The following PRKCZ variants were observed in gnomAD, a reference collection of about 807,000 sequenced individuals.
The protein encoded by PRKCZ is protein kinase C zeta type.
In PRKCZ, 33 loss-of-function variants were observed where a neutral mutation model predicts 79.5. The observed-to-expected ratio is 0.41, with a 90% confidence interval of 0.31 to 0.55. The LOEUF (loss-of-function observed/expected upper bound fraction) is 0.55, where lower values mean the gene tolerates loss of function less well. PRKCZ is among the 20% of genes least tolerant of loss of function. The probability of loss-of-function intolerance (pLI) is 0.19; values close to 1 mark genes in which losing one functional copy is unlikely to be tolerated. For synonymous variants in PRKCZ, 342 were observed against 320.9 expected (o/e 1.07, Z -0.70); for missense variants, 578 against 813.5 (o/e 0.71, Z 3.52).
rs1450077418 is a variant in PRKCZ at position 2,075,292 on chromosome 1, G to A, written c.334+15701G>A. 2 of 152,380 alleles carry A rather than the reference G, an allele frequency of 1.3e-5. No homozygotes were observed. The highest frequency in any genetic ancestry group is 4.8e-5 in the African/African-American group (2 of 41,550). The allele number at this position is 152,380 out of a possible 1,614,324, so 9.4% of individuals were successfully genotyped here. On this transcript the variant is annotated intron_variant, in intron 4 of 17. Transcript: ENST00000378567. This position sits in a 1 kb window ranked among gnomAD's most constrained non-coding sequence, Gnocchi z 4.8. Reference sequence around the variant, plus strand: ...ATGCACAGCTGGCACGATCCCTTGCGGTGTGAATACACTGCTGGGGTGGGA... The same window carrying A: ...ATGCACAGCTGGCACGATCCCTTGCAGTGTGAATACACTGCTGGGGTGGGA...
At chr1:2,144,523 G>A in intron 6 of PRKCZ, 182 bp downstream of exon 6, 1 of 1,420,120 alleles carries the variant, frequency 7.0e-7, no homozygotes, top group South Asian at 1.5e-5. Context: ...ATCTTCCTGA[G>A]CCCCCACAAG....
chr1:2,149,787 G>T lies in PRKCZ; in HGVS notation c.687+863G>T, dbSNP rs528344237. 6.6e-6 allele frequency among the ~76,000 whole-genome samples: 1 copy of T among 152,246 alleles called. No homozygotes were observed. The highest frequency in any genetic ancestry group is 1.9e-4 in the East Asian group (1 of 5,180). On this transcript the variant is annotated intron_variant, in intron 8 of 17. Transcript: ENST00000378567. The surrounding 1 kb of genome is among the most constrained non-coding windows in gnomAD (Gnocchi z 4.1). ...GAGGTGGGAGGATCGCCTGAGCCTG[G>T]GAGGTGGAGGCTGCAGTGAGCTGAG... is the stretch of plus-strand genomic sequence containing the variant.
At chr1:2,108,321 T>C (rs1261957586) in intron 4 of PRKCZ, among the ~76,000 whole-genome samples, 2 of 152,200 alleles carry the variant, frequency 1.3e-5, no homozygotes, top group Non-Finnish European at 2.9e-5. Context: ...TGCCTGGCCT[T>C]CTCCATGCTG....
rs1198772427 is a variant in PRKCZ, at chr1:2,185,108, G to A, written c.*99G>A. On this transcript the variant is annotated 3_prime_UTR_variant, in exon 18 of 18. Coordinates refer to ENST00000378567, the MANE Select transcript of PRKCZ (RefSeq NM_002744.6). ...CCAGGCTGGGCACGGCTCCGAGGGC[G>A]GCCAGGGACAGACGCTTGCGCCGAG... 4 of 1,203,474 alleles carry A rather than the reference G, an allele frequency of 3.3e-6. No homozygotes were observed. The highest frequency in any genetic ancestry group is 2.7e-5 in the South Asian group (2 of 74,398). 74.5% of individuals were successfully genotyped at this position (1,203,474 alleles called of 1,614,324 possible).
Position 2,172,309 on chromosome 1 carries a change from G to T in PRKCZ, c.1206G>T (p.Leu402=). ...LTDYGMCKEG[L]GPGDTTSTFC... is the part of the protein sequence containing the mutation. ...TAACTTTGCCCCCACAGGAAGGCCT[G>T]GGCCCTGGTGACACAACGAGCACTT... The change falls in exon 13 of 18, where the codon CTG becomes CTT. Residue 402 remains leucine (L), a synonymous_variant. Coordinates refer to ENST00000378567, the MANE Select transcript of PRKCZ (RefSeq NM_002744.6). The surrounding 1 kb of genome is among the most constrained non-coding windows in gnomAD (Gnocchi z 7.8). 6.2e-7 allele frequency: 1 copy of T among 1,613,608 alleles called. No individual in the cohort carries two copies. Among genetic ancestry groups the T allele is most frequent in the South Asian group, 1.1e-5 (1 of 91,090 alleles).
chr1:2,119,176 C>T (rs1361889861), intron 4 of PRKCZ, among the ~76,000 whole-genome samples: 2 of 148,372 alleles, frequency 1.3e-5, no homozygotes, highest in South Asian at 2.1e-4. Context: ...TTACCATTTT[C>T]TTCAAAACCT....
Position 2,173,803 on chromosome 1 carries a change from G to A in PRKCZ, c.1286-94G>A, listed in dbSNP as rs545707424. On this transcript the variant is annotated intron_variant, in intron 13 of 17. Coordinates refer to ENST00000378567, the MANE Select transcript of PRKCZ (RefSeq NM_002744.6). The surrounding 1 kb of genome is among the most constrained non-coding windows in gnomAD (Gnocchi z 5.7). ...GCCTGCTCAAGCCTGGCTCACACTC[G>A]TGTCAACTGGGCATGAAAACCAACG... 2.4e-5 allele frequency: 35 copies of A among 1,486,386 alleles called. No homozygotes were observed. Among genetic ancestry groups the A allele is most frequent in the Middle Eastern group, 2.2e-4 (1 of 4,556 alleles). The allele number at this position is 1,486,386 out of a possible 1,614,324, so 92.1% of individuals were successfully genotyped here.
chr1:2,085,945 G>T (rs1664448291), intron 4 of PRKCZ, among the ~76,000 whole-genome samples: 1 of 152,124 alleles, frequency 6.6e-6, no homozygotes, highest in South Asian at 2.1e-4. Flanking sequence ...TCCTGTCTGG[G>T]TTGGCATCAT....
In PRKCZ at chr1:2,177,329, C is replaced by T. The variant is rs144793293; in HGVS notation, c.1575+2016C>T. Among the ~76,000 whole-genome samples the T allele has an allele frequency of 2.3e-3, 353 of 152,278 alleles. 1 individual carries two copies. Among genetic ancestry groups the T allele is most frequent in the African/African-American group, 8.0e-3 (332 of 41,544 alleles). On this transcript the variant is annotated intron_variant, in intron 16 of 17. Coordinates refer to ENST00000378567, the MANE Select transcript of PRKCZ (RefSeq NM_002744.6). The surrounding 1 kb of genome is among the most constrained non-coding windows in gnomAD (Gnocchi z 6.4). The stretch of plus-strand genomic sequence containing the variant: ...ATCCCCGCTCCCAGCCACCTCCCCT[C>T]GCCCGTCTCAGCTCAGTCTCCCCCG...
intron 4 of PRKCZ, among the ~76,000 whole-genome samples, chr1:2,124,614 T>G (rs1314345759): frequency 6.6e-6 from 1 of 152,076 alleles, no homozygotes; most frequent in African/African-American, 2.4e-5. Context: ...CATGAGAAAG[T>G]CAATGCCTGT....
At chr1:2,133,750 C>G (rs549566262) in intron 4 of PRKCZ, 1 of 152,624 alleles carries the variant, frequency 6.6e-6, no homozygotes, top group Non-Finnish European at 1.5e-5. Context: ...GCTTCACACC[C>G]TTCTCTTTCT....
chr1:2,144,204 C>T lies in PRKCZ; in HGVS notation c.421-6C>T. The T allele has an allele frequency of 6.4e-7, 1 of 1,551,648 alleles. No individual in the cohort carries two copies. Among genetic ancestry groups the T allele is most frequent in the South Asian group, 1.2e-5 (1 of 84,074 alleles). On this transcript the variant is annotated splice_region_variant and splice_polypyrimidine_tract_variant and intron_variant, in intron 5 of 17. Coordinates refer to ENST00000378567, the MANE Select transcript of PRKCZ (RefSeq NM_002744.6). Reference sequence around the variant, plus strand: ...CCTGGGCCTGACGCTCTGTTCCCACCTGCAGAGAGCGTACTGCGGTCAGTG... The same window carrying T: ...CCTGGGCCTGACGCTCTGTTCCCACTTGCAGAGAGCGTACTGCGGTCAGTG...
At position 2,152,953 on chromosome 1, in the gene PRKCZ, G is replaced by A. The variant is rs965014878; in HGVS notation, c.876+1975G>A. 6.6e-5 allele frequency among the ~76,000 whole-genome samples: 10 copies of A among 152,264 alleles called. No individual in the cohort carries two copies. In the East Asian group the frequency reaches 9.6e-4, roughly 15 times the overall value. On this transcript the variant is annotated intron_variant, in intron 9 of 17. Coordinates refer to ENST00000378567, the MANE Select transcript of PRKCZ (RefSeq NM_002744.6). ...GAGTGGTGCCACTGTGAAGGTTCGC[G>A]TACAAGAATCTGTTTGAGTCTATTT...
chr1:2,105,214 C>T (rs1026352887), intron 4 of PRKCZ, among the ~76,000 whole-genome samples: 4 of 152,154 alleles, frequency 2.6e-5, no homozygotes, highest in African/African-American at 4.8e-5. Flanking sequence ...CGCTGTGTAC[C>T]GGCACTGCCG....
chr1:2,132,800 G>A (rs1675259571), intron 4 of PRKCZ, among the ~76,000 whole-genome samples: 1 of 152,234 alleles, frequency 6.6e-6, no homozygotes, highest in South Asian at 2.1e-4. Context: ...AGTCTCTGAG[G>A]GGCCTAGTGT....
rs1460808107 is a variant in PRKCZ, at chr1:2,135,350, G to T, written c.420+3G>T. Reference sequence around the variant, plus strand: ...TCCAAGCCAAGCGCTTTAACAGGGTGAGTGGCCCCCTTGGGACTAGTCCCT... The same window carrying T: ...TCCAAGCCAAGCGCTTTAACAGGGTTAGTGGCCCCCTTGGGACTAGTCCCT... On this transcript the variant is annotated splice_donor_region_variant and intron_variant, in intron 5 of 17. Transcript: ENST00000378567. 1 of 1,608,684 alleles carries T rather than the reference G, an allele frequency of 6.2e-7. No homozygotes were observed. Among genetic ancestry groups the T allele is most frequent in the East Asian group, 2.2e-5 (1 of 44,840 alleles).
intron 4 of PRKCZ, among the ~76,000 whole-genome samples, chr1:2,132,967 C>T (rs777408032): frequency 2.6e-5 from 4 of 152,184 alleles, no homozygotes; most frequent in Non-Finnish European, 5.9e-5. Context: ...TAGGGCTCCC[C>T]ACGTGAATTT....
At chr1:2,056,460 A>G (rs770605432) in intron 2 of PRKCZ, 24 bp from the exon 3 acceptor site, 2 of 1,608,586 alleles carry the variant, frequency 1.2e-6, no homozygotes, top group East Asian at 2.2e-5. Context: ...CGGCGACGTC[A>G]GCACCGTCTC....
At chr1:2,059,655 G>A in intron 4 of PRKCZ, 64 bp downstream of exon 4, 1 of 1,600,716 alleles carries the variant, frequency 6.2e-7, no homozygotes, top group East Asian at 2.2e-5. Context: ...GATCCGTTGT[G>A]CCACGGAGGT....
Sources: gnomAD v4.1 joint callset for allele counts (sites outside exome capture counted in the v4.1 genomes callset) on GRCh38, gnomAD v4.1.1 for gene constraint, Gnocchi (gnomAD v3.1) non-coding constraint, MANE v1.5 for transcripts, NCBI Gene and HGNC (gene_info 2026-07-23, HGNC 2026-07-21) for gene names.